The following PRELID2 variants were observed in gnomAD, a reference collection of about 807,000 sequenced individuals.
PRELID2 encodes the protein PRELI domain-containing protein 2.
Under a neutral mutation model 28.4 loss-of-function variants are expected in PRELID2, and 25 were observed. The observed-to-expected ratio is 0.88, with a 90% confidence interval of 0.64 to 1.23. PRELID2 has a LOEUF of 1.23. Among genes scored for constraint, PRELID2 ranks in the 50% most tolerant of loss-of-function variants. The pLI is 0.00. For missense variants in PRELID2, 201 were observed against 214.4 expected (o/e 0.94, Z 0.39); for synonymous variants, 76 against 71.6 (o/e 1.06, Z -0.31).
At chr5:145,415,562 A>T in the PRELID2 span, among the ~76,000 whole-genome samples, 1 of 150,466 alleles carries the variant, frequency 6.6e-6, no homozygotes, top group African/African-American at 2.4e-5. Flanking sequence ...TAGTTTACTG[A>T]GAATGATGAT....
chr5:145,229,836 TC>T, the PRELID2 span: 1 of 760,060 alleles, frequency 1.3e-6, no homozygotes. Flanking sequence ...CATCGCCAAG[TC>T]CCAGGAGCCG....
chr5:145,376,668 T>G, the PRELID2 span, among the ~76,000 whole-genome samples: 1 of 152,174 alleles, frequency 6.6e-6, no homozygotes, highest in Non-Finnish European at 1.5e-5. Flanking sequence ...AGAGTTTTTA[T>G]TTTATGTGCA....
chr5:145,372,524 G>A, the PRELID2 span, among the ~76,000 whole-genome samples: 2 of 151,918 alleles, frequency 1.3e-5, no homozygotes, highest in Non-Finnish European at 2.9e-5. Flanking sequence ...ATGAATCTGG[G>A]TGCTCTTGTA....
At chr5:145,246,856 G>A in the PRELID2 span, among the ~76,000 whole-genome samples, 4 of 152,130 alleles carry the variant, frequency 2.6e-5, no homozygotes, top group Non-Finnish European at 5.9e-5. Flanking sequence ...GAAATTTAGT[G>A]TATGGTTTGA....
intron 1 of PRELID2, among the ~76,000 whole-genome samples, chr5:145,647,740 G>A (rs1454382360): frequency 2.6e-5 from 4 of 152,216 alleles, no homozygotes; most frequent in African/African-American, 9.6e-5. Flanking sequence ...CTGGGCCAGA[G>A]TGCACAGTTT....
chr5:145,424,177 T>C, the PRELID2 span, among the ~76,000 whole-genome samples: 1 of 152,014 alleles, frequency 6.6e-6, no homozygotes, highest in East Asian at 2.0e-4. Context: ...CAGAGGTTAC[T>C]GCTGTCTTTT....
chr5:145,596,976 G>A (rs925111936), intron 1 of PRELID2, among the ~76,000 whole-genome samples: 1 of 151,912 alleles, frequency 6.6e-6, no homozygotes, highest in Admixed American at 6.6e-5. Flanking sequence ...GAAGATGAAT[G>A]GCAAACACGA....
the PRELID2 span, among the ~76,000 whole-genome samples, chr5:145,377,729 C>T: frequency 6.6e-6 from 1 of 152,060 alleles, no homozygotes; most frequent in African/African-American, 2.4e-5. Context: ...TTATTTTGAG[C>T]CCATGTGTGT....
intron 1 of PRELID2, among the ~76,000 whole-genome samples, chr5:145,594,547 GCATGAAGATCCT>G (rs1434348497): frequency 9.9e-5 from 15 of 152,090 alleles, no homozygotes; most frequent in Admixed American, 2.6e-4. Context: ...ATTGATGTAT[GCATGAAGATCCT>G]CATCACAGTA....
At chr5:145,596,803 GGA>G (rs1034482231) in intron 1 of PRELID2, among the ~76,000 whole-genome samples, 9 of 152,034 alleles carry the variant, frequency 5.9e-5, no homozygotes, top group African/African-American at 2.2e-4. Flanking sequence ...ATAAGACCCT[GGA>G]CAATGGATGA....
chr5:145,474,023 T>C (rs1346317539), intron 1 of PRELID2, among the ~76,000 whole-genome samples: 1 of 152,202 alleles, frequency 6.6e-6, no homozygotes, highest in Non-Finnish European at 1.5e-5. Flanking sequence ...TGAAGAAAAG[T>C]GTTTTTGGCT....
chr5:145,504,640 C>A (rs762450607), intron 1 of PRELID2, among the ~76,000 whole-genome samples: 2 of 152,040 alleles, frequency 1.3e-5, no homozygotes, highest in African/African-American at 4.8e-5. Flanking sequence ...CAGCTAAGTA[C>A]CTCCCTTTTA....
intron 1 of PRELID2, among the ~76,000 whole-genome samples, chr5:145,621,958 AC>A (rs1187022042): frequency 4.6e-5 from 7 of 152,322 alleles, no homozygotes; most frequent in African/African-American, 1.7e-4. Context: ...ATAAATATGT[AC>A]AGTTATTACA....
At chr5:145,382,821 C>A in the PRELID2 span, among the ~76,000 whole-genome samples, 1 of 151,678 alleles carries the variant, frequency 6.6e-6, no homozygotes, top group Non-Finnish European at 1.5e-5. Context: ...CACAATATAT[C>A]CATGTAACAA....
the PRELID2 span, among the ~76,000 whole-genome samples, chr5:145,373,258 CAACATATATAATATATAT>C: frequency 1.5e-4 from 12 of 78,234 alleles, no homozygotes; most frequent in South Asian, 1.6e-3. Context: ...ATATATATTA[CAACATATATAATATATAT>C]GATATATATT....
intron 1 of PRELID2, among the ~76,000 whole-genome samples, chr5:145,516,839 C>G (rs888821815): frequency 6.6e-6 from 1 of 152,150 alleles, no homozygotes; most frequent in Non-Finnish European, 1.5e-5. Flanking sequence ...TGCCACACAT[C>G]TACACCCATC....
intron 1 of PRELID2, among the ~76,000 whole-genome samples, chr5:145,708,381 C>G (rs1010416123): frequency 6.6e-6 from 1 of 151,676 alleles, no homozygotes; most frequent in Non-Finnish European, 1.5e-5. Flanking sequence ...CTCTGGGAAC[C>G]AGTTTGATCA....
intron 1 of PRELID2, among the ~76,000 whole-genome samples, chr5:145,720,901 C>G (rs1755970107): frequency 6.6e-6 from 1 of 151,926 alleles, no homozygotes; most frequent in South Asian, 2.1e-4. Flanking sequence ...CACTTCTAAG[C>G]TTTTTGAGGA....
At chr5:145,465,276 T>G in the PRELID2 span, among the ~76,000 whole-genome samples, 1 of 152,252 alleles carries the variant, frequency 6.6e-6, no homozygotes, top group South Asian at 2.1e-4. Context: ...AGATTCTGAT[T>G]TAGTTAGTCC....
Sources: allele counts gnomAD v4.1 joint callset (sites outside exome capture counted in the v4.1 genomes callset), GRCh38; gene constraint gnomAD v4.1.1; transcripts MANE v1.5; gene names NCBI Gene and HGNC (gene_info 2026-07-23, HGNC 2026-07-21).